ABCC4: variants seen among roughly 807,000 people sequenced by gnomAD.
The protein encoded by ABCC4 is ATP binding cassette subfamily C member 4 (PEL blood group), also known as ATP-binding cassette sub-family C member 4.
ABCC4 carries 102 observed loss-of-function variants against 168.5 expected under a neutral mutation model. The ratio of observed to expected loss-of-function variants is 0.61; its 90% CI spans 0.52 to 0.71. The LOEUF is 0.71. Ranked by LOEUF, ABCC4 falls within the 30% of genes least tolerant of loss-of-function variation. ABCC4 has a pLI of 0.00. For missense variants in ABCC4, 1,402 were observed against 1,605.8 expected (o/e 0.87, Z 2.17); for synonymous variants, 617 against 590.7 (o/e 1.04, Z -0.65).
chr13:95,209,344 G>A, intron 6 of ABCC4, 90 bp downstream of exon 6: 1 of 1,407,836 alleles, frequency 7.1e-7, no homozygotes, highest in Non-Finnish European at 9.8e-7. Context: ...ATAATAAAAG[G>A]CATTTAGTTT....
intron 30 of ABCC4, among the ~76,000 whole-genome samples, chr13:95,025,475 TAC>T (rs2139200397): frequency 9.4e-5 from 1 of 10,632 alleles, no homozygotes; most frequent in African/African-American, 4.0e-4. Context: ...CACACACCCA[TAC>T]ACATACACAC....
intron 1 of ABCC4, among the ~76,000 whole-genome samples, chr13:95,295,614 C>T (rs971097724): frequency 6.6e-6 from 1 of 151,602 alleles, no homozygotes. Context: ...CCCAAGATCA[C>T]GCCACCGCAC....
intron 1 of ABCC4, among the ~76,000 whole-genome samples, chr13:95,272,464 C>A (rs1033141369): frequency 6.6e-6 from 1 of 152,184 alleles, no homozygotes; most frequent in Non-Finnish European, 1.5e-5. Flanking sequence ...CTTTCCAGCC[C>A]AGTTTCTGTT....
At chr13:95,156,210 T>G (rs1222824849) in intron 19 of ABCC4, among the ~76,000 whole-genome samples, 2 of 152,194 alleles carry the variant, frequency 1.3e-5, no homozygotes, top group Admixed American at 6.6e-5. Flanking sequence ...AAAAATATCT[T>G]CCACAAAGAC....
At chr13:95,289,844 C>A (rs112154859) in intron 1 of ABCC4, among the ~76,000 whole-genome samples, 1,963 of 152,218 alleles carry the variant, frequency 0.013, 41 homozygotes, top group African/African-American at 0.044. Flanking sequence ...CACCTGTAAT[C>A]CCAGCATTTT....
chr13:95,237,960 C>T (rs1186154079), intron 3 of ABCC4, among the ~76,000 whole-genome samples: 3 of 151,784 alleles, frequency 2.0e-5, no homozygotes, highest in Non-Finnish European at 4.4e-5. Context: ...TTTGGGAGGC[C>T]GAGGTGGGCA....
intron 25 of ABCC4, among the ~76,000 whole-genome samples, chr13:95,069,724 C>G (rs1344220546): frequency 2.6e-5 from 4 of 152,190 alleles, no homozygotes. Context: ...GGTGTCTGGC[C>G]TAATTCACTC....
chr13:95,041,102 G>C (rs774883273), intron 29 of ABCC4, among the ~76,000 whole-genome samples: 2 of 152,222 alleles, frequency 1.3e-5, no homozygotes, highest in African/African-American at 4.8e-5. Context: ...CTTTAATGTG[G>C]AGATAGTGGT....
Position 95,021,464 on chromosome 13 carries a change from C to A in ABCC4, c.*111G>T. On this transcript the variant is annotated 3_prime_UTR_variant, in exon 31 of 31. Transcript: ENST00000645237. ...GAGAAATATTCAAATGAACTAGCAT[C>A]TTGTATGTATAAATATTTGTTGCCA... The A allele has an allele frequency of 3.1e-6, 2 of 641,278 alleles. No individual in the cohort carries two copies. Among genetic ancestry groups the A allele is most frequent in the South Asian group, 2.3e-5 (1 of 43,618 alleles). The allele number at this position is 641,278 out of a possible 1,614,324, so 39.7% of individuals were successfully genotyped here. A position where few individuals can be genotyped will look rare whatever the true frequency, so the allele number is the denominator to read the frequency against.
intron 19 of ABCC4, among the ~76,000 whole-genome samples, chr13:95,124,713 G>GAAAAAAAA (rs59665124): frequency 3.4e-5 from 2 of 59,208 alleles, no homozygotes; most frequent in Non-Finnish European, 5.4e-5. Flanking sequence ...TACTAAAAAC[G>GAAAAAAAA]AAAAAAAAAA....
intron 4 of ABCC4, among the ~76,000 whole-genome samples, chr13:95,214,400 C>T (rs1451017560): frequency 6.6e-6 from 1 of 151,856 alleles, no homozygotes. Flanking sequence ...TGGAATTTTA[C>T]CAAAGTTGGT....
chr13:95,252,652 G>T (rs145830412), intron 1 of ABCC4, among the ~76,000 whole-genome samples: 1 of 152,110 alleles, frequency 6.6e-6, no homozygotes, highest in Non-Finnish European at 1.5e-5. Context: ...TCCAGCCTAG[G>T]TGACAGAGCG....
Position 95,225,149 on chromosome 13 carries a change from TCTCTCACACACACACA to T in ABCC4, c.531+9445_531+9460del, listed in dbSNP as rs1331820482. On this transcript the variant is annotated intron_variant, in intron 4 of 30. Coordinates refer to ENST00000645237, the MANE Select transcript of ABCC4 (RefSeq NM_005845.5). ...GTCTGTCTGTCTGTCTGTCTCTCTC[TCTCTCACACACACACA>T]CACACACACACACACACACACACAC... Among the ~76,000 whole-genome samples, 673 of 100,230 alleles carry T rather than the reference TCTCTCACACACACACA, an allele frequency of 6.7e-3. 7 individuals are homozygous for T. The highest frequency in any genetic ancestry group is 0.024 in the African/African-American group (465 of 19,176). 65.8% of individuals were successfully genotyped at this position (100,230 alleles called of 152,430 possible). A position where few individuals can be genotyped will look rare whatever the true frequency, so the allele number is the denominator to read the frequency against.
chr13:95,200,489 G>A (rs1489879641), intron 8 of ABCC4, among the ~76,000 whole-genome samples: 1 of 152,150 alleles, frequency 6.6e-6, no homozygotes, highest in East Asian at 1.9e-4. Context: ...TTGGGAGGCC[G>A]ACGCGGGTGG....
chr13:95,185,242 CGT>C (rs1164626211), intron 11 of ABCC4, among the ~76,000 whole-genome samples: 1 of 151,982 alleles, frequency 6.6e-6, no homozygotes, highest in Non-Finnish European at 1.5e-5. Context: ...TATGTGTGAG[CGT>C]GTGAGACAGA....
chr13:95,060,960 G>T (rs1344199537), intron 26 of ABCC4, among the ~76,000 whole-genome samples: 1 of 152,092 alleles, frequency 6.6e-6, no homozygotes, highest in Non-Finnish European at 1.5e-5. Flanking sequence ...CTGTGAATTT[G>T]ACTAGTCTAG....
chr13:95,091,979 C>A (rs1222912209), intron 20 of ABCC4, among the ~76,000 whole-genome samples: 1 of 152,064 alleles, frequency 6.6e-6, no homozygotes, highest in Non-Finnish European at 1.5e-5. Context: ...GGATTTCATG[C>A]AAATCGACAT....
intron 29 of ABCC4, among the ~76,000 whole-genome samples, chr13:95,041,340 C>T (rs1437906367): frequency 6.6e-6 from 1 of 152,180 alleles, no homozygotes; most frequent in African/African-American, 2.4e-5. Flanking sequence ...ATAAACAAAG[C>T]TATTAATTAG....
At chr13:95,065,589 A>G (rs4771905) in intron 25 of ABCC4, among the ~76,000 whole-genome samples, 14,900 of 152,280 alleles carry the variant, frequency 0.098, 981 homozygotes, top group Admixed American at 0.17. Context: ...TTTAGGCTCC[A>G]ATATTTTGCT....
Sources: allele counts gnomAD v4.1 joint callset (sites outside exome capture counted in the v4.1 genomes callset), GRCh38; gene constraint gnomAD v4.1.1; transcripts MANE v1.5; gene names NCBI Gene and HGNC (gene_info 2026-07-23, HGNC 2026-07-21).